ZNF638: variants seen among roughly 807,000 people sequenced by gnomAD.
ZNF638 encodes the protein CTCL tumor antigen se33-1.
A neutral mutation model predicts 195.6 loss-of-function variants in ZNF638; 46 were observed. The observed-to-expected ratio is 0.24, with a 90% CI of 0.19 to 0.30. The LOEUF (loss-of-function observed/expected upper bound fraction) is 0.30, where lower values mean the gene tolerates loss of function less well. ZNF638 is among the 10% of genes least tolerant of loss of function. The pLI is 1.00. For synonymous variants in ZNF638, 845 were observed against 772.0 expected (o/e 1.09, Z -1.57); for missense variants, 2,440 against 2,325.3 (o/e 1.05, Z -1.01).
At chr2:71,392,758 G>A (rs1573107254) in intron 10 of ZNF638, among the ~76,000 whole-genome samples, 2 of 152,000 alleles carry the variant, frequency 1.3e-5, no homozygotes, top group East Asian at 3.9e-4. Flanking sequence ...AAATTATCCT[G>A]CAGTGCCCAG....
intron 23 of ZNF638, among the ~76,000 whole-genome samples, chr2:71,425,437 C>G (rs564475278): frequency 4.6e-5 from 7 of 152,108 alleles, no homozygotes; most frequent in African/African-American, 7.2e-5. Flanking sequence ...GATATTCTCC[C>G]TAGAAATTAC....
chr2:71,346,219 A>C (rs1166482922), intron 1 of ZNF638, among the ~76,000 whole-genome samples: 2 of 152,238 alleles, frequency 1.3e-5, no homozygotes, highest in African/African-American at 2.4e-5. Flanking sequence ...AAATGGAATA[A>C]GTGGTTCAGA....
chr2:71,423,539 A>T lies in ZNF638; in HGVS notation c.4025A>T (p.Lys1342Met). The T allele has an allele frequency of 6.2e-7, 1 of 1,614,104 alleles. No homozygotes were observed. Among genetic ancestry groups the T allele is most frequent in the Non-Finnish European group, 8.5e-7 (1 of 1,180,012 alleles). The change falls in exon 22 of 28, where the codon AAG becomes ATG. Residue 1342 changes from lysine to methionine, a missense_variant. Coordinates refer to ENST00000264447, the MANE Select transcript of ZNF638 (RefSeq NM_014497.5). ...AATGAAGGTAGGATGGATGCAGAAA[A>T]GGTGGAAAAGATGGCAGCAATGAAA... Reference protein sequence around the residue: ...EKNEGRMDAEKVEKMAAMKEK... With the variant: ...EKNEGRMDAEMVEKMAAMKEK...
rs2078917571 is a variant in ZNF638, at chr2:71,350,217, A to G, written c.1263A>G (p.Pro421=). The stretch of plus-strand genomic sequence containing the variant: ...TGAATGATTATTATGCAGCATCTCC[A>G]AGAATATTTCCACATTTGTGTTCTC... The part of the protein sequence containing the change: ...SMMNDYYAAS[P]RIFPHLCSLC... Residue 421 remains proline (P), a synonymous_variant, in exon 2 of 28, where the codon CCA becomes CCG. Transcript: ENST00000264447. 6.2e-7 allele frequency: 1 copy of G among 1,606,242 alleles called. No individual in the cohort carries two copies. Among genetic ancestry groups the G allele is most frequent in the African/African-American group, 1.3e-5 (1 of 74,910 alleles).
Position 71,434,747 on chromosome 2 carries a change from C to G in ZNF638, c.5877C>G (p.Phe1959Leu). ...TTGCAAATTGCTTTTAACAGAAATT[C>G]ATGGCCAAGCAAAGAAAGGAAAAGG... Reference protein sequence around the residue: ...STRHKQNTEKFMAKQRKEKEQ... With the variant: ...STRHKQNTEKLMAKQRKEKEQ... The change falls in exon 28 of 28, where the codon TTC becomes TTG. Residue 1959 changes from phenylalanine (F) to leucine (L), a missense_variant. Around this residue, in one of 5 missense-constraint regions of ZNF638, gnomAD observed 1,883 missense variants for 1,739.1 expected, o/e 1.08. Coordinates refer to ENST00000264447, the MANE Select transcript of ZNF638 (RefSeq NM_014497.5). 6.2e-7 allele frequency: 1 copy of G among 1,612,218 alleles called. No homozygotes were observed. The highest frequency in any genetic ancestry group is 1.3e-5 in the African/African-American group (1 of 74,836).
chr2:71,383,674 A>G (rs2079576017), intron 10 of ZNF638, among the ~76,000 whole-genome samples: 2 of 149,172 alleles, frequency 1.3e-5, no homozygotes, highest in South Asian at 2.1e-4. Context: ...TCCCAGGTTC[A>G]AGTGATTCTG....
chr2:71,371,658 G>A (rs893839256), intron 8 of ZNF638, among the ~76,000 whole-genome samples: 2 of 150,680 alleles, frequency 1.3e-5, no homozygotes, highest in African/African-American at 4.9e-5. Flanking sequence ...TTTGAGAAAT[G>A]TTTCTTCAGA....
chr2:71,334,815 G>T (rs1273389460), intron 1 of ZNF638, among the ~76,000 whole-genome samples: 3 of 151,994 alleles, frequency 2.0e-5, no homozygotes, highest in African/African-American at 7.3e-5. Flanking sequence ...CAGCGACTCG[G>T]GAGGCTGAGG....
intron 13 of ZNF638, 140 bp from the exon 14 acceptor site, chr2:71,399,972 T>G: frequency 3.1e-6 from 2 of 643,114 alleles, no homozygotes; most frequent in Non-Finnish European, 5.0e-6. Context: ...TCTTTTGTTT[T>G]TCAAAGAGAG....
Position 71,348,934 on chromosome 2 carries a change from C to A in ZNF638, c.-21C>A, listed in dbSNP as rs2078898182. 1.9e-6 allele frequency: 3 copies of A among 1,614,140 alleles called. No individual in the cohort carries two copies. The highest frequency in any genetic ancestry group is 2.5e-6 in the Non-Finnish European group (3 of 1,180,016). On this transcript the variant is annotated 5_prime_UTR_variant, in exon 2 of 28. Transcript: ENST00000264447. ...AACACCACCTTATACTTTATTAAAT[C>A]AGGCTTTCTTGAAAATAGCCATGTC...
intron 18 of ZNF638, among the ~76,000 whole-genome samples, chr2:71,405,860 G>A (rs1457654865): frequency 1.6e-5 from 2 of 124,400 alleles, no homozygotes; most frequent in Non-Finnish European, 3.9e-5. Flanking sequence ...CATATTAAGT[G>A]GTCTAATAGG....
In ZNF638 at chr2:71,433,358, G is replaced by A. The variant is rs150012532; in HGVS notation, c.5871+75G>A. On this transcript the variant is annotated intron_variant, in intron 27 of 27. Transcript: ENST00000264447. ...AATCAAATTATTTATCTCCCCAAAC[G>A]TACATTTCCCCCCGCTTTAGGAGAA... 9.6e-3 allele frequency: 10,271 copies of A among 1,066,850 alleles called. 71 individuals carry two copies. Among genetic ancestry groups the A allele is most frequent in the Middle Eastern group, 0.02 (79 of 3,854 alleles). The allele number at this position is 1,066,850 out of a possible 1,614,324, so 66.1% of individuals were successfully genotyped here.
chr2:71,411,463 TTTTA>T (rs2080222655), intron 20 of ZNF638, among the ~76,000 whole-genome samples: 1 of 111,852 alleles, frequency 8.9e-6, no homozygotes, highest in African/African-American at 2.9e-5. Flanking sequence ...ATTTTTTATT[TTTTA>T]TTTTTAATTT....
chr2:71,393,342 A>G (rs1003369205), intron 10 of ZNF638: 6 of 708,108 alleles, frequency 8.5e-6, no homozygotes, highest in Admixed American at 2.0e-5. Flanking sequence ...TGTAGTCCAA[A>G]TGAATTGCTA....
intron 6 of ZNF638, among the ~76,000 whole-genome samples, chr2:71,367,887 C>T (rs182033738): frequency 5.9e-5 from 9 of 152,094 alleles, no homozygotes; most frequent in Admixed American, 1.3e-4. Flanking sequence ...TTAACGTAAG[C>T]GGTAAAGTTG....
At chr2:71,411,490 T>C (rs2080225642) in intron 20 of ZNF638, among the ~76,000 whole-genome samples, 1 of 142,940 alleles carries the variant, frequency 7.0e-6, no homozygotes, top group Non-Finnish European at 1.5e-5. Context: ...TTTTTTTTAT[T>C]ATACTCTAAG....
At chr2:71,385,054 T>TC (rs1022825259) in intron 10 of ZNF638, among the ~76,000 whole-genome samples, 10 of 151,904 alleles carry the variant, frequency 6.6e-5, no homozygotes, top group African/African-American at 2.4e-4. Context: ...TGAGAAAAGG[T>TC]GGGGGAACAG....
chr2:71,387,655 A>ACT (rs76825385), intron 10 of ZNF638, among the ~76,000 whole-genome samples: 1 of 43,294 alleles, frequency 2.3e-5, no homozygotes, highest in South Asian at 7.0e-4. Flanking sequence ...ACAGAGCAAG[A>ACT]CTCTCTCAAA....
chr2:71,381,278 T>C (rs561812369), intron 10 of ZNF638, among the ~76,000 whole-genome samples: 3 of 152,166 alleles, frequency 2.0e-5, no homozygotes, highest in South Asian at 2.1e-4. Context: ...GGTAAAAATA[T>C]AGTGTGTTGG....
Sources: allele counts gnomAD v4.1 joint callset (sites outside exome capture counted in the v4.1 genomes callset), GRCh38; gene constraint gnomAD v4.1.1; regional missense constraint gnomAD v4.1.1; transcripts MANE v1.5; gene names NCBI Gene and HGNC (gene_info 2026-07-23, HGNC 2026-07-21).